RASSF5: variants seen among roughly 807,000 people sequenced by gnomAD.
RASSF5 encodes Ras association domain family member 5, also known as ras association domain-containing protein 5.
Under a neutral mutation model 40.5 loss-of-function variants are expected in RASSF5, and 25 were observed. That is an observed-to-expected ratio of 0.62 (90% CI 0.45 to 0.86). RASSF5 has a LOEUF of 0.86. Ranked by LOEUF, RASSF5 falls within the 40% of genes least tolerant of loss-of-function variation. RASSF5 has a pLI of 0.00. For synonymous variants in RASSF5, 246 were observed against 252.4 expected, an observed-to-expected ratio of 0.97 and a Z score of 0.24; for missense variants, 521 against 572.8, an observed-to-expected ratio of 0.91 and a Z score of 0.92.
chr1:206,575,146 C>T (rs1553404963), intron 2 of RASSF5, among the ~76,000 whole-genome samples: 3 of 152,086 alleles, frequency 2.0e-5, no homozygotes, highest in African/African-American at 7.2e-5. Flanking sequence ...TCAAATCCAG[C>T]CCAGATAGAT....
Position 206,548,164 on chromosome 1 carries a change from T to A in RASSF5, c.579+9871T>A, listed in dbSNP as rs73079085. On this transcript the variant is annotated intron_variant, in intron 2 of 5. Transcript: ENST00000579436. ...CTGCTCCTCTGTATATAACATATTCTTCTTTTTTCTTTTTATCGCTATGTA... is the reference window on the plus strand; with the variant it reads ...CTGCTCCTCTGTATATAACATATTCATCTTTTTTCTTTTTATCGCTATGTA... Among the ~76,000 whole-genome samples the A allele has an allele frequency of 5.1e-3, 776 of 152,344 alleles. 6 individuals are homozygous for A. The highest frequency in any genetic ancestry group is 0.018 in the African/African-American group (739 of 41,570).
At chr1:206,538,511 A>G (rs1315690410) in intron 2 of RASSF5, among the ~76,000 whole-genome samples, 2 of 152,234 alleles carry the variant, frequency 1.3e-5, no homozygotes, top group Non-Finnish European at 1.5e-5. Flanking sequence ...GTTCTCCCCA[A>G]GTACAGAGCC....
At chr1:206,517,411 G>A (rs1666778803) in intron 1 of RASSF5, among the ~76,000 whole-genome samples, 1 of 152,172 alleles carries the variant, frequency 6.6e-6, no homozygotes, top group African/African-American at 2.4e-5. Context: ...GGTCGAGGCT[G>A]CAGTGAGCTA....
chr1:206,564,370 C>T (rs149422887), intron 2 of RASSF5, among the ~76,000 whole-genome samples: 2 of 152,206 alleles, frequency 1.3e-5, no homozygotes, highest in African/African-American at 4.8e-5. Context: ...CCCTCCTGCC[C>T]TCCTTCTGTC....
At chr1:206,527,740 GC>G (rs1250868828) in intron 1 of RASSF5, among the ~76,000 whole-genome samples, 4 of 152,112 alleles carry the variant, frequency 2.6e-5, no homozygotes, top group Non-Finnish European at 5.9e-5. Flanking sequence ...TTGCCCAAAT[GC>G]CTTCAACCCA....
At chr1:206,575,436 T>C (rs545137584) in intron 2 of RASSF5, among the ~76,000 whole-genome samples, 1 of 152,182 alleles carries the variant, frequency 6.6e-6, no homozygotes, top group Non-Finnish European at 1.5e-5. Flanking sequence ...GTTGTGTGTG[T>C]TAAGAATGCG....
rs782374479 is a variant in RASSF5, at chr1:206,587,034, T to G, written c.*56T>G. The stretch of plus-strand genomic sequence containing the variant: ...TCAGATTTATTTGTATTATTAATTA[T>G]TATTTTGCAACAGACACTTTTTCTC... On this transcript the variant is annotated 3_prime_UTR_variant, in exon 6 of 6. Transcript: ENST00000579436. 6.3e-7 allele frequency: 1 copy of G among 1,597,640 alleles called. No individual in the cohort carries two copies. The highest frequency in any genetic ancestry group is 1.4e-5 in the African/African-American group (1 of 74,030).
At chr1:206,527,218 A>AAATTTTTTGTTATGATG (rs1558500126) in intron 1 of RASSF5, among the ~76,000 whole-genome samples, 9 of 152,168 alleles carry the variant, frequency 5.9e-5, no homozygotes, top group African/African-American at 2.2e-4. Context: ...GTTTCAAGGG[A>AAATTTTTTGTTATGATG]TCACACCATC....
chr1:206,542,631 C>T (rs1277669456), intron 2 of RASSF5: 1 of 152,318 alleles, frequency 6.6e-6, no homozygotes, highest in Non-Finnish European at 1.5e-5. Flanking sequence ...CTGCAAAGGC[C>T]AGCCCCTCCC....
At chr1:206,585,105 C>T in intron 4 of RASSF5, 75 bp from the exon 5 acceptor site, 1 of 1,121,654 alleles carries the variant, frequency 8.9e-7, no homozygotes, top group Non-Finnish European at 1.3e-6. Flanking sequence ...TCTGCATTTC[C>T]AATCCTTTCC....
At chr1:206,540,949 A>AGT (rs1182011714) in intron 2 of RASSF5, among the ~76,000 whole-genome samples, 1 of 152,076 alleles carries the variant, frequency 6.6e-6, no homozygotes, top group Admixed American at 6.5e-5. Context: ...GCTGGAGTGC[A>AGT]GTGGCATGAT....
chr1:206,557,707 T>C, intron 2 of RASSF5: 1 of 1,613,688 alleles, frequency 6.2e-7, no homozygotes. Context: ...AACATAATAA[T>C]GGAATGCAGG....
rs1669036876 is a variant in RASSF5 at position 206,584,707 on chromosome 1, C to T, written c.988+23C>T. The T allele has an allele frequency of 6.2e-7, 1 of 1,613,440 alleles. No individual in the cohort carries two copies. The highest frequency in any genetic ancestry group is 1.6e-4 in the Middle Eastern group (1 of 6,062). On this transcript the variant is annotated intron_variant, in intron 4 of 5. Transcript: ENST00000579436. The surrounding 1 kb of genome is among the most constrained non-coding windows in gnomAD (Gnocchi z 4.9). ...AAGGTAGGAGAAAGAGTGAACCCAA[C>T]CAGACCGTTCCCTTCCTACCTGTGT...
rs1266981784 is a variant in RASSF5, at chr1:206,552,815, T to C, written c.579+14522T>C. Among the ~76,000 whole-genome samples the C allele has an allele frequency of 2.6e-5, 4 of 152,192 alleles. No individual in the cohort carries two copies. In the East Asian group the frequency reaches 7.7e-4, roughly 29 times the overall value. ...AACTTTAGTAGACCGTCTTATTCAATGTTGTTCTCACTAGACTGTATATTA... is the reference window on the plus strand; with the variant it reads ...AACTTTAGTAGACCGTCTTATTCAACGTTGTTCTCACTAGACTGTATATTA... On this transcript the variant is annotated intron_variant, in intron 2 of 5. Coordinates refer to ENST00000579436, the MANE Select transcript of RASSF5 (RefSeq NM_182663.4). The surrounding 1 kb of genome is among the most constrained non-coding windows in gnomAD (Gnocchi z 4.1).
chr1:206,580,650 G>A (rs1553406103), intron 2 of RASSF5: 1 of 152,230 alleles, frequency 6.6e-6, no homozygotes, highest in Non-Finnish European at 1.5e-5. Context: ...GACTGACAGT[G>A]AATGAAGAGA....
chr1:206,575,778 A>AGC (rs1668618109), intron 2 of RASSF5, among the ~76,000 whole-genome samples: 1 of 152,380 alleles, frequency 6.6e-6, no homozygotes, highest in Admixed American at 6.5e-5. Context: ...GAGGGGAAGT[A>AGC]GCTCCCCAGA....
At chr1:206,543,588 TGTG>T (rs1667601920) in intron 2 of RASSF5, 1 of 150,270 alleles carries the variant, frequency 6.7e-6, no homozygotes, top group African/African-American at 2.5e-5. Flanking sequence ...TGTGTGTGTG[TGTG>T]TAAATGCAGA....
In RASSF5 at chr1:206,587,209, T is replaced by C. The variant is rs1669153471; in HGVS notation, c.*231T>C. ...AGATTCTGCCAAGGATCAGAACTCA[T>C]GTGAAACAAACAGCTGACGTCCTCT... On this transcript the variant is annotated 3_prime_UTR_variant, in exon 6 of 6. Coordinates refer to ENST00000579436, the MANE Select transcript of RASSF5 (RefSeq NM_182663.4). The C allele has an allele frequency of 3.9e-6, 2 of 509,694 alleles. No homozygotes were observed. Among genetic ancestry groups the C allele is most frequent in the South Asian group, 2.0e-5 (1 of 49,924 alleles). The allele number at this position is 509,694 out of a possible 1,614,324, so 31.6% of individuals were successfully genotyped here. A position where few individuals can be genotyped will look rare whatever the true frequency, so the allele number is the denominator to read the frequency against.
intron 2 of RASSF5, among the ~76,000 whole-genome samples, chr1:206,550,578 G>A (rs922317253): frequency 6.6e-5 from 10 of 152,136 alleles, no homozygotes; most frequent in Non-Finnish European, 1.2e-4. Context: ...CTATTACATG[G>A]GGACACCAGT....
Sources: gnomAD v4.1 joint callset for allele counts (sites outside exome capture counted in the v4.1 genomes callset) on GRCh38, gnomAD v4.1.1 for gene constraint, Gnocchi (gnomAD v3.1) non-coding constraint, MANE v1.5 for transcripts, NCBI Gene and HGNC (gene_info 2026-07-23, HGNC 2026-07-21) for gene names.